The following ITIH1 variants were observed in gnomAD, a reference collection of about 807,000 sequenced individuals.
The protein encoded by ITIH1 is inter-alpha-trypsin inhibitor heavy chain 1.
A neutral mutation model predicts 104.6 loss-of-function variants in ITIH1; 94 were observed. That is an observed-to-expected ratio of 0.90 (90% confidence interval 0.76 to 1.07). The LOEUF is 1.07. ITIH1 is among the 50% of genes least tolerant of loss of function. ITIH1 has a pLI of 0.00. For synonymous variants in ITIH1, 455 were observed against 464.4 expected, an observed-to-expected ratio of 0.98 and a Z score of 0.26; for missense variants, 1,193 against 1,181.4, an observed-to-expected ratio of 1.01 and a Z score of -0.14.
rs898538416 is a variant in ITIH1 at position 52,791,994 on chromosome 3, C to A, written c.*83C>A. 6.2e-6 allele frequency: 9 copies of A among 1,440,764 alleles called. No homozygotes were observed. The highest frequency in any genetic ancestry group is 2.1e-5 in the Admixed American group (1 of 47,886). 89.2% of individuals were successfully genotyped at this position (1,440,764 alleles called of 1,614,324 possible). On this transcript the variant is annotated 3_prime_UTR_variant, in exon 22 of 22. Coordinates refer to ENST00000273283, the MANE Select transcript of ITIH1 (RefSeq NM_002215.4). The stretch of plus-strand genomic sequence containing the variant: ...ATCCTGACCTGCTGCTGAGGCTGTA[C>A]CTCCTTGACTAAGCTGGTTCCTTGT...
At chr3:52,788,410 G>A in intron 18 of ITIH1, 65 bp downstream of exon 18, 1 of 1,101,328 alleles carries the variant, frequency 9.1e-7, no homozygotes, top group Non-Finnish European at 1.4e-6. Context: ...CATTCAGCCA[G>A]GAACAGGACT....
Position 52,782,188 on chromosome 3 carries a change from A to C in ITIH1, c.851A>C (p.Gln284Pro), listed in dbSNP as rs757856365. ...CACTTTGCCCACTTCTTTGCCCCCC[A>C]AAACCTGACAAACATGAACAAGAAC... ...NNHFAHFFAP[Q>P]NLTNMNKNVV... The change falls in exon 8 of 22, where the codon CAA becomes CCA. Residue 284 changes from glutamine to proline, a missense_variant. Gln to Pro is a moderately conservative substitution (Grantham distance 76). Transcript: ENST00000273283. 1.2e-6 allele frequency: 2 copies of C among 1,614,144 alleles called. No homozygotes were observed. The highest frequency in any genetic ancestry group is 1.1e-5 in the South Asian group (1 of 91,080).
At chr3:52,782,567 T>C (rs1195265095) in intron 8 of ITIH1, among the ~76,000 whole-genome samples, 1 of 88,940 alleles carries the variant, frequency 1.1e-5, no homozygotes, top group Non-Finnish European at 2.3e-5. Flanking sequence ...ACCTGTGCAC[T>C]ACAATTACGG....
Position 52,782,998 on chromosome 3 carries a change from A to AC in ITIH1, c.972_973insC (p.Gly325ArgfsTer5). On this transcript the variant is annotated frameshift_variant, in exon 9 of 22. Coordinates refer to ENST00000273283, the MANE Select transcript of ITIH1 (RefSeq NM_002215.4). LOFTEE classifies it high-confidence loss of function. ...TTAAAATTCTGGGGGACATGCAGCCAGGGGACTACTTTGACCTGGTTCTTT... is the reference window on the plus strand; with the variant it reads ...TTAAAATTCTGGGGGACATGCAGCCACGGGGACTACTTTGACCTGGTTCTTT... The AC allele has an allele frequency of 6.2e-7, 1 of 1,614,144 alleles. No individual in the cohort carries two copies. The highest frequency in any genetic ancestry group is 2.2e-5 in the East Asian group (1 of 44,876).
In ITIH1 at chr3:52,779,330, C is replaced by T; in HGVS notation, c.411-102C>T. ...TCCAGGGAAACCTGGGAGCAACACTCATCTAAGAGAAATAAATTCTGTGGG... is the reference window on the plus strand; with the variant it reads ...TCCAGGGAAACCTGGGAGCAACACTTATCTAAGAGAAATAAATTCTGTGGG... On this transcript the variant is annotated intron_variant, in intron 4 of 21. Transcript: ENST00000273283. This position sits in a 1 kb window ranked among gnomAD's most constrained non-coding sequence, Gnocchi z 4.4. 7.8e-7 allele frequency: 1 copy of T among 1,277,496 alleles called. No homozygotes were observed. 79.1% of individuals were successfully genotyped at this position (1,277,496 alleles called of 1,614,324 possible). A position where few individuals can be genotyped will look rare whatever the true frequency, so the allele number is the denominator to read the frequency against.
At chr3:52,788,916 G>T (rs1308616341) in intron 18 of ITIH1, among the ~76,000 whole-genome samples, 1 of 151,816 alleles carries the variant, frequency 6.6e-6, no homozygotes, top group African/African-American at 2.4e-5. Flanking sequence ...TAAACAAGGG[G>T]CCCTTCCTTT....
At chr3:52,777,831 C>T (rs1271178717) in intron 1 of ITIH1, 99 bp downstream of exon 1, 5 of 1,327,016 alleles carry the variant, frequency 3.8e-6, no homozygotes, top group Non-Finnish European at 4.3e-6. Context: ...GGGTCACCCC[C>T]ACCACCTCCA....
chr3:52,786,204 C>T (rs568458497), intron 12 of ITIH1, 91 bp from the exon 13 acceptor site: 3 of 1,314,026 alleles, frequency 2.3e-6, no homozygotes, highest in East Asian at 5.1e-5. Context: ...GCTGCAGATA[C>T]CAGACGAAAT....
intron 6 of ITIH1, among the ~76,000 whole-genome samples, chr3:52,781,350 TTCC>T (rs1699055535): frequency 1.3e-5 from 2 of 151,624 alleles, no homozygotes; most frequent in African/African-American, 4.8e-5. Flanking sequence ...TCTCTTCTTC[TTCC>T]TCTTCTTTTC....
chr3:52,779,056 G>C lies in ITIH1; in HGVS notation c.410+10G>C. 1 of 1,583,892 alleles carries C rather than the reference G, an allele frequency of 6.3e-7. No individual in the cohort carries two copies. The highest frequency in any genetic ancestry group is 1.7e-5 in the Admixed American group (1 of 60,000). On this transcript the variant is annotated intron_variant, in intron 4 of 21. Coordinates refer to ENST00000273283, the MANE Select transcript of ITIH1 (RefSeq NM_002215.4). The surrounding 1 kb of genome is among the most constrained non-coding windows in gnomAD (Gnocchi z 4.4). ...ATGCCGGCCTTGTCAGGTGAGTTCT[G>C]GGCCTGCTGGTCTCATCTCTAGGGC...
chr3:52,787,618 T>G lies in ITIH1; in HGVS notation c.1924+6T>G. 6.2e-7 allele frequency: 1 copy of G among 1,614,172 alleles called. No individual in the cohort carries two copies. The highest frequency in any genetic ancestry group is 2.2e-5 in the East Asian group (1 of 44,882). On this transcript the variant is annotated splice_donor_region_variant and intron_variant, in intron 16 of 21. Coordinates refer to ENST00000273283, the MANE Select transcript of ITIH1 (RefSeq NM_002215.4). ...GATGCTGGGACCCAGAAGGAGTAAG[T>G]GGCAGCCATCCTGGCCATTCACATC...
Position 52,783,323 on chromosome 3 carries a change from T to C in ITIH1, c.1209T>C (p.Asp403=), listed in dbSNP as rs752533790. The part of the protein sequence containing the change: ...NHASILIMLT[D]GDPTEGVTDR... ...CCTCAATACTCATCATGTTGACAGA[T>C]GGCGATCCCACAGAGGGTAAGCACC... Residue 403 remains aspartate (D), a synonymous_variant, in exon 10 of 22, where the codon GAT becomes GAC. Transcript: ENST00000273283. The C allele has an allele frequency of 3.2e-5, 52 of 1,613,956 alleles. No homozygotes were observed. Among genetic ancestry groups the C allele is most frequent in the Non-Finnish European group, 4.2e-5 (49 of 1,180,028 alleles).
chr3:52,777,787 C>T lies in ITIH1; in HGVS notation c.117+55C>T, dbSNP rs900898217. 136 of 1,482,002 alleles carry T rather than the reference C, an allele frequency of 9.2e-5. 1 individual carries two copies. The East Asian group carries it at 9.6e-4, about 10-fold the overall frequency. The allele number at this position is 1,482,002 out of a possible 1,614,324, so 91.8% of individuals were successfully genotyped here. A position where few individuals can be genotyped will look rare whatever the true frequency, so the allele number is the denominator to read the frequency against. On this transcript the variant is annotated intron_variant, in intron 1 of 21. Transcript: ENST00000273283. ...AGGCAGCTGAACCTGGATGAGGCCCCGGGCGGGACACAAGACCCCCATTCA... is the reference window on the plus strand; with the variant it reads ...AGGCAGCTGAACCTGGATGAGGCCCTGGGCGGGACACAAGACCCCCATTCA...
At chr3:52,780,139 C>A in intron 5 of ITIH1, 130 bp from the exon 6 acceptor site, 1 of 929,598 alleles carries the variant, frequency 1.1e-6, no homozygotes. Flanking sequence ...GTGGTGTGAG[C>A]CTATAATCCC....
At chr3:52,784,716 G>A (rs1481245716) in intron 11 of ITIH1, among the ~76,000 whole-genome samples, 1 of 152,024 alleles carries the variant, frequency 6.6e-6, no homozygotes, top group Non-Finnish European at 1.5e-5. Context: ...CTCTACTGAA[G>A]ATACAAAAAT....
At position 52,787,088 on chromosome 3, in the gene ITIH1, A is replaced by G. The variant is rs1190867412; in HGVS notation, c.1877A>G (p.Lys626Arg). 1.2e-6 allele frequency: 2 copies of G among 1,614,124 alleles called. No individual in the cohort carries two copies. Among genetic ancestry groups the G allele is most frequent in the Non-Finnish European group, 1.7e-6 (2 of 1,180,034 alleles). Residue 626 changes from lysine to arginine, a missense_variant, in exon 14 of 22, where the codon AAG becomes AGG. Physicochemically the swap from Lys to Arg is conservative, Grantham distance 26. Coordinates refer to ENST00000273283, the MANE Select transcript of ITIH1 (RefSeq NM_002215.4). Reference sequence around the variant, plus strand: ...GACGGCCTGAAGCCCACCATCGACAAGCCCTCAGAGGGTATAGGCTGCAGG... The same window carrying G: ...GACGGCCTGAAGCCCACCATCGACAGGCCCTCAGAGGGTATAGGCTGCAGG... ...DQDGLKPTID[K>R]PSEDSPPLEM...
In ITIH1 at chr3:52,781,272, TTCTTCTTCTTCTTCC is replaced by T. The variant is rs1699047931; in HGVS notation, c.688-653_688-639del. On this transcript the variant is annotated intron_variant, in intron 6 of 21. Coordinates refer to ENST00000273283, the MANE Select transcript of ITIH1 (RefSeq NM_002215.4). ...CTTCTTCTTCTTCTTCTTCTTCTTC[TTCTTCTTCTTCTTCC>T]TCTTCTTCTTCTTCTGCTTCTTCTT... Among the ~76,000 whole-genome samples the T allele has an allele frequency of 6.7e-5, 9 of 135,116 alleles. No homozygotes were observed. In the South Asian group the frequency reaches 7.1e-4, roughly 11 times the overall value. The allele number at this position is 135,116 out of a possible 152,430, so 88.6% of individuals were successfully genotyped here. A position where few individuals can be genotyped will look rare whatever the true frequency, so the allele number is the denominator to read the frequency against.
chr3:52,777,662 T>C lies in ITIH1; in HGVS notation c.47T>C (p.Leu16Pro). ...GPRGLLLCMY[L>P]VSLLILQAMP... is the part of the protein sequence containing the mutation. The stretch of plus-strand genomic sequence containing the variant: ...CGGGGGCTGCTGTTGTGCATGTACC[T>C]GGTATCTCTCCTCATCCTGCAGGCC... Residue 16 changes from leucine to proline, a missense_variant, in exon 1 of 22, where the codon CTG becomes CCG. Physicochemically the swap from Leu to Pro is moderately conservative, Grantham distance 98. Transcript: ENST00000273283. The C allele has an allele frequency of 6.2e-7, 1 of 1,605,404 alleles. No homozygotes were observed. Among genetic ancestry groups the C allele is most frequent in the Non-Finnish European group, 8.5e-7 (1 of 1,176,322 alleles).
rs768997090 is a variant in ITIH1, at chr3:52,786,356, G to A, written c.1655G>A (p.Arg552Gln). The change falls in exon 13 of 22, where the codon CGA becomes CAA. Residue 552 changes from arginine to glutamine, a missense_variant. Coordinates refer to ENST00000273283, the MANE Select transcript of ITIH1 (RefSeq NM_002215.4). ...GAGGAGGAGATGAAGAAACTGCTCC[G>A]AGAGCGTGGCCACATGCTGGAGAAC... ...VDEEEMKKLLRERGHMLENHV... is the reference protein window; with the variant it reads ...VDEEEMKKLLQERGHMLENHV... 3.1e-5 allele frequency: 49 copies of A among 1,577,886 alleles called. No homozygotes were observed. The highest frequency in any genetic ancestry group is 2.4e-4 in the South Asian group (21 of 86,038).
Sources: allele counts gnomAD v4.1 joint callset (sites outside exome capture counted in the v4.1 genomes callset), GRCh38; gene constraint gnomAD v4.1.1; non-coding constraint Gnocchi (gnomAD v3.1); transcripts MANE v1.5; gene names NCBI Gene and HGNC (gene_info 2026-07-23, HGNC 2026-07-21).